The following SLC22A5 variants were observed in gnomAD, a reference collection of about 807,000 sequenced individuals.
SLC22A5 encodes the protein organic cation/carnitine transporter 2.
A neutral mutation model predicts 56.7 loss-of-function variants in SLC22A5; 44 were observed. That is an observed-to-expected ratio of 0.78 (90% CI 0.61 to 1.00). The LOEUF is 1.00. Among genes scored for constraint, SLC22A5 ranks in the 50% least tolerant of loss-of-function variants. The pLI is 0.00. For synonymous variants in SLC22A5, 278 were observed against 292.1 expected (o/e 0.95, Z 0.49); for missense variants, 675 against 723.0 (o/e 0.93, Z 0.76).
chr5:132,384,399 G>A (rs1752453737), intron 3 of SLC22A5, 98 bp downstream of exon 3: 2 of 1,288,008 alleles, frequency 1.6e-6, no homozygotes. Context: ...CCTCAAGGGG[G>A]ACAGGGTTTC....
intron 7 of SLC22A5, among the ~76,000 whole-genome samples, chr5:132,392,039 T>A (rs1036263253): frequency 1.3e-5 from 2 of 152,198 alleles, no homozygotes; most frequent in African/African-American, 4.8e-5. Flanking sequence ...GAGGAAAGCA[T>A]GAAATGAGTT....
At chr5:132,391,637 TGA>T (rs1019663031) in intron 7 of SLC22A5, among the ~76,000 whole-genome samples, 1 of 152,186 alleles carries the variant, frequency 6.6e-6, no homozygotes, top group Admixed American at 6.5e-5. Context: ...GCCAGACCAC[TGA>T]GAGGGCCTCA....
intron 6 of SLC22A5, chr5:132,390,143 C>A: frequency 5.2e-6 from 1 of 192,404 alleles, no homozygotes; most frequent in Non-Finnish European, 1.1e-5. Flanking sequence ...CACCTCTGTG[C>A]TCCACAAGTA....
At chr5:132,370,677 G>T (rs935507759) in intron 1 of SLC22A5, among the ~76,000 whole-genome samples, 2 of 152,188 alleles carry the variant, frequency 1.3e-5, no homozygotes, top group African/African-American at 4.8e-5. Flanking sequence ...GTGTGTCCAG[G>T]ACTTACTCTA....
In SLC22A5 at chr5:132,392,551, T is replaced by C. The variant is rs757611449; in HGVS notation, c.1386T>C (p.Gly462=). Residue 462 remains glycine, a synonymous_variant, in exon 8 of 10, where the codon GGT becomes GGC. Transcript: ENST00000245407. ...ATCCCACAGTGGTGAGAAACATGGG[T>C]GTGGGAGTCAGCTCCACAGCATCCC... ...ELYPTVVRNM[G]VGVSSTASRL... 8 of 1,614,166 alleles carry C rather than the reference T, an allele frequency of 5.0e-6. No individual in the cohort carries two copies. In the East Asian group the frequency reaches 8.9e-5, roughly 18 times the overall value.
intron 2 of SLC22A5, 60 bp downstream of exon 2, chr5:132,378,541 C>G: frequency 8.1e-7 from 1 of 1,239,656 alleles, no homozygotes; most frequent in South Asian, 1.2e-5. Flanking sequence ...AAGCGTGTGC[C>G]TGGCCCTTGA....
rs182048510 is a variant in SLC22A5 at position 132,388,896 on chromosome 5, T to C, written c.952-25T>C. ...AGTCTCTGACCACCTCTTCTTCCCA[T>C]ACACTTATGATGTTGTTCCTGCAGT... is the stretch of plus-strand genomic sequence containing the variant. On this transcript the variant is annotated intron_variant, in intron 5 of 9. Transcript: ENST00000245407. The C allele has an allele frequency of 6.9e-4, 1,018 of 1,474,626 alleles. 4 individuals carry two copies. Among genetic ancestry groups the C allele is most frequent in the Non-Finnish European group, 8.7e-4 (911 of 1,052,730 alleles). 91.3% of individuals were successfully genotyped at this position (1,474,626 alleles called of 1,614,324 possible).
intron 7 of SLC22A5, among the ~76,000 whole-genome samples, chr5:132,391,733 G>C (rs754969389): frequency 1.3e-5 from 2 of 152,128 alleles, no homozygotes; most frequent in African/African-American, 2.4e-5. Flanking sequence ...ATAATTTATA[G>C]AACAGTTCAT....
chr5:132,383,831 C>G (rs1423657146), intron 2 of SLC22A5: 1 of 331,708 alleles, frequency 3.0e-6, no homozygotes, highest in South Asian at 3.9e-5. Context: ...TTGGCAGATT[C>G]TTTTTTAAAA....
chr5:132,381,607 T>A (rs997516343), intron 2 of SLC22A5: 5 of 152,254 alleles, frequency 3.3e-5, no homozygotes, highest in African/African-American at 1.2e-4. Context: ...TTCACCTTCT[T>A]TCTGGCCTAT....
chr5:132,374,159 G>A (rs1305894747), intron 1 of SLC22A5, among the ~76,000 whole-genome samples: 1 of 151,896 alleles, frequency 6.6e-6, no homozygotes, highest in East Asian at 1.9e-4. Context: ...AGTGGGGGTT[G>A]CAGTAGCCAA....
chr5:132,390,460 T>C (rs770348551), intron 6 of SLC22A5: 2 of 600,896 alleles, frequency 3.3e-6, no homozygotes, highest in African/African-American at 1.8e-5. Flanking sequence ...ACTGTCTATA[T>C]GGAAGGCTCT....
Position 132,369,859 on chromosome 5 carries a change from T to C in SLC22A5, c.-114T>C. On this transcript the variant is annotated 5_prime_UTR_variant, in exon 1 of 10. Transcript: ENST00000245407. The stretch of plus-strand genomic sequence containing the variant: ...GCGAGCCTACCCTCCGCGGACGGTC[T>C]TGGGTCGCCTGCTGCCTGGCTTGCC... The C allele has an allele frequency of 7.0e-7, 1 of 1,423,158 alleles. No homozygotes were observed. Among genetic ancestry groups the C allele is most frequent in the Non-Finnish European group, 9.4e-7 (1 of 1,062,416 alleles). The allele number at this position is 1,423,158 out of a possible 1,614,324, so 88.2% of individuals were successfully genotyped here. A position where few individuals can be genotyped will look rare whatever the true frequency, so the allele number is the denominator to read the frequency against.
intron 2 of SLC22A5, 22 bp from the exon 3 acceptor site, chr5:132,384,125 G>C (rs1275087151): frequency 6.2e-7 from 1 of 1,613,914 alleles, no homozygotes; most frequent in Admixed American, 1.7e-5. Context: ...CTGGTTATCT[G>C]TCACTCTCCT....
chr5:132,371,523 T>A (rs1189271718), intron 1 of SLC22A5, among the ~76,000 whole-genome samples: 1 of 152,112 alleles, frequency 6.6e-6, no homozygotes, highest in Non-Finnish European at 1.5e-5. Flanking sequence ...GTTAATGATG[T>A]ATGTGTTTTG....
intron 1 of SLC22A5, among the ~76,000 whole-genome samples, chr5:132,373,021 T>TA (rs1176409607): frequency 6.6e-6 from 1 of 152,248 alleles, no homozygotes; most frequent in East Asian, 1.9e-4. Flanking sequence ...TTAAAGTACA[T>TA]ACATGTAGTA....
intron 1 of SLC22A5, among the ~76,000 whole-genome samples, chr5:132,372,864 C>T (rs1751986098): frequency 6.6e-6 from 1 of 152,178 alleles, no homozygotes; most frequent in Non-Finnish European, 1.5e-5. Flanking sequence ...AGTCCCATGC[C>T]TGCTAAATGT....
At position 132,390,838 on chromosome 5, in the gene SLC22A5, T is replaced by TA. The variant is rs121908887; in HGVS notation, c.1202dup (p.Tyr401Ter). 41 of 1,614,250 alleles carry TA rather than the reference T, an allele frequency of 2.5e-5. No individual in the cohort carries two copies. Among genetic ancestry groups the TA allele is most frequent in the Non-Finnish European group, 3.5e-5 (41 of 1,180,044 alleles). ...WLLLQYLPRR[Y>*]SMATALFLGG... ...GCTGCTGCAATATTTGCCCCGGCGC[T>TA]ATTCCATGGCCACTGCCCTCTTCCT... The change falls in exon 7 of 10, where the codon TAT becomes TAAT. Residue 401 changes from tyrosine to a stop codon, truncating the protein, a stop_gained and frameshift_variant. Coordinates refer to ENST00000245407, the MANE Select transcript of SLC22A5 (RefSeq NM_003060.4). LOFTEE classifies it high-confidence loss of function.
rs1752789130 is a variant in SLC22A5, at chr5:132,393,829, G to A, written c.1586+18G>A. ...GTCAAAGGGTAAGAAGACCTCCTCT[G>A]TCAGTGTTGATGCACTGGGTCTGGG... is the stretch of plus-strand genomic sequence containing the variant. On this transcript the variant is annotated intron_variant, in intron 9 of 9. Coordinates refer to ENST00000245407, the MANE Select transcript of SLC22A5 (RefSeq NM_003060.4). The A allele has an allele frequency of 1.9e-6, 3 of 1,614,094 alleles. No individual in the cohort carries two copies. The highest frequency in any genetic ancestry group is 2.2e-5 in the South Asian group (2 of 91,078).
Sources: gnomAD v4.1 joint callset for allele counts (sites outside exome capture counted in the v4.1 genomes callset) on GRCh38, gnomAD v4.1.1 for gene constraint, MANE v1.5 for transcripts, NCBI Gene and HGNC (gene_info 2026-07-23, HGNC 2026-07-21) for gene names.